Variants in MADD observed in about 807,000 individuals in gnomAD.
The protein encoded by MADD is MAP kinase activating death domain.
Under a neutral mutation model 176.7 loss-of-function variants are expected in MADD, and 109 were observed. The observed-to-expected ratio is 0.62, with a 90% CI of 0.53 to 0.72. The LOEUF (loss-of-function observed/expected upper bound fraction) is 0.72. Ranked by LOEUF, MADD falls within the 30% of genes least tolerant of loss-of-function variation. MADD has a pLI of 0.00. For missense variants in MADD, 1,914 were observed against 2,045.5 expected, an observed-to-expected ratio of 0.94 and a Z score of 1.24; for synonymous variants, 771 against 771.3, an observed-to-expected ratio of 1.00 and a Z score of 0.01.
At chr11:47,287,196 C>T (rs984635632) in intron 15 of MADD, among the ~76,000 whole-genome samples, 1 of 152,328 alleles carries the variant, frequency 6.6e-6, no homozygotes, top group Non-Finnish European at 1.5e-5. Context: ...GTGTCACGCA[C>T]CTGTAATCCC....
chr11:47,317,087 T>G (rs2093296626), intron 27 of MADD, among the ~76,000 whole-genome samples: 1 of 152,236 alleles, frequency 6.6e-6, no homozygotes, highest in South Asian at 2.1e-4. Context: ...TCTTATCCAT[T>G]GCTTTATCCC....
intron 9 of MADD, 40 bp from the exon 10 acceptor site, chr11:47,282,773 C>G (rs531567830): frequency 2.1e-5 from 34 of 1,600,936 alleles, no homozygotes; most frequent in Non-Finnish European, 2.8e-5. Context: ...GCCTTTTTTT[C>G]CTTGCTGCTG....
intron 16 of MADD, among the ~76,000 whole-genome samples, 156 bp from the exon 18 acceptor site, chr11:47,289,711 C>T (rs891331130): frequency 3.3e-5 from 5 of 152,128 alleles, no homozygotes; most frequent in African/African-American, 1.2e-4. Flanking sequence ...TTGGACAAAT[C>T]GCGTGCTCCA....
chr11:47,324,213 G>A, intron 28 of MADD, 52 bp from the exon 32 acceptor site: 1 of 1,545,494 alleles, frequency 6.5e-7, no homozygotes. Context: ...AGCAGTGGGT[G>A]GGGAACCCTG....
chr11:47,326,331 G>A (rs777019865), intron 30 of MADD, among the ~76,000 whole-genome samples: 27 of 152,184 alleles, frequency 1.8e-4, no homozygotes, highest in Non-Finnish European at 3.5e-4. Flanking sequence ...GGAGCTTTGC[G>A]CCCGTGCCAG....
chr11:47,276,619 A>C, intron 4 of MADD, 113 bp from the exon 5 acceptor site: 1 of 1,333,716 alleles, frequency 7.5e-7, no homozygotes, highest in Non-Finnish European at 1.0e-6. Flanking sequence ...GGAGAGACAA[A>C]GCTGGAGCTG....
intron 27 of MADD, among the ~76,000 whole-genome samples, chr11:47,316,974 C>T (rs1173039174): frequency 6.6e-6 from 1 of 152,172 alleles, no homozygotes; most frequent in Admixed American, 6.5e-5. Context: ...AAACTCCTGA[C>T]CTCAAGTGAT....
At chr11:47,289,912 C>T (rs373364748) in exon 17 of MADD, 49 of 1,613,888 alleles carry the variant, frequency 3.0e-5, no homozygotes, top group African/African-American at 6.7e-5. Flanking sequence ...GCGTGCTGGA[C>T]GGCCAGGGAG....
intron 22 of MADD, among the ~76,000 whole-genome samples, chr11:47,298,891 G>C (rs1370394727): frequency 1.3e-5 from 2 of 152,226 alleles, no homozygotes; most frequent in African/African-American, 4.8e-5. Flanking sequence ...TTATTTTTCT[G>C]AATAATGGAT....
At chr11:47,284,956 A>T (rs760376636) in exon 13 of MADD, 1 of 1,613,768 alleles carries the variant, frequency 6.2e-7, no homozygotes, top group Non-Finnish European at 8.5e-7. Flanking sequence ...TGCTGACTCT[A>T]CGGAGATGGA....
intron 18 of MADD, 52 bp from the exon 20 acceptor site, chr11:47,290,558 G>A (rs374778294): frequency 1.2e-4 from 181 of 1,553,658 alleles, no homozygotes; most frequent in Admixed American, 3.7e-4. Flanking sequence ...TCATATCTGC[G>A]CCTTGATTCC....
In MADD at chr11:47,293,817, C is replaced by T. The variant is rs1194382728; in HGVS notation, c.3302-66C>T. The T allele has an allele frequency of 7.7e-6, 8 of 1,040,698 alleles. No individual in the cohort carries two copies. In the African/African-American group the frequency reaches 1.3e-4, roughly 16 times the overall value. The allele number at this position is 1,040,698 out of a possible 1,614,324, so 64.5% of individuals were successfully genotyped here. Reference sequence around the variant, plus strand: ...TCTGGGAACAGCCTGTGCTGCCGTCCCACCCCCTTTACCAGCCTGCCCCTA... The same window carrying T: ...TCTGGGAACAGCCTGTGCTGCCGTCTCACCCCCTTTACCAGCCTGCCCCTA... On this transcript the variant is annotated intron_variant, in intron 19 of 32. Coordinates refer to ENST00000402192, the Ensembl canonical transcript of MADD.
Position 47,303,598 on chromosome 11 carries a change from T to G in MADD, c.3643-4993T>G, listed in dbSNP as rs972506378. On this transcript the variant is annotated intron_variant, in intron 22 of 32. Coordinates refer to ENST00000402192, the Ensembl canonical transcript of MADD. Reference sequence around the variant, plus strand: ...TTGACAATTTGACTGTAATGTACCTTGGAGAGGCCTTTTTTTTTTTTTTTT... The same window carrying G: ...TTGACAATTTGACTGTAATGTACCTGGGAGAGGCCTTTTTTTTTTTTTTTT... 3.2e-4 allele frequency among the ~76,000 whole-genome samples: 46 copies of G among 145,418 alleles called. No homozygotes were observed. The Middle Eastern group carries it at 0.011, about 35-fold the overall frequency.
chr11:47,286,546 C>G lies in MADD; in HGVS notation c.2653+12C>G, dbSNP rs766113461. 1.0e-5 allele frequency: 16 copies of G among 1,598,878 alleles called. No individual in the cohort carries two copies. The highest frequency in any genetic ancestry group is 1.4e-5 in the Non-Finnish European group (16 of 1,166,504). On this transcript the variant is annotated intron_variant, in intron 15 of 32. Coordinates refer to ENST00000402192, the Ensembl canonical transcript of MADD. ...CCCCAGTCTGAAAGGTAACTACAGC[C>G]TTCCTTTTGCCAAGCCAGGTTTCTC...
chr11:47,301,175 C>T (rs1037916721), intron 22 of MADD, among the ~76,000 whole-genome samples: 1 of 151,804 alleles, frequency 6.6e-6, no homozygotes, highest in South Asian at 2.1e-4. Context: ...TGCAGTGGTG[C>T]AATCTTGGCT....
In MADD at chr11:47,290,304, G is replaced by A; in HGVS notation, c.3094+5G>A. ...AGACCCACTACTATAGTAAAGGTAG[G>A]GATCGTACTTGCTGGGCACCACGCC... is the stretch of plus-strand genomic sequence containing the variant. On this transcript the variant is annotated splice_donor_5th_base_variant and intron_variant, in intron 18 of 32. Coordinates refer to ENST00000402192, the Ensembl canonical transcript of MADD. 6.2e-7 allele frequency: 1 copy of A among 1,612,988 alleles called. No homozygotes were observed. Among genetic ancestry groups the A allele is most frequent in the African/African-American group, 1.3e-5 (1 of 74,982 alleles).
At chr11:47,281,666 C>A in exon 8 of MADD, 2 of 1,613,654 alleles carry the variant, frequency 1.2e-6, no homozygotes, top group East Asian at 4.5e-5. Flanking sequence ...TTGGGAAGGC[C>A]TTCTAATGAC....
intron 7 of MADD, among the ~76,000 whole-genome samples, chr11:47,279,973 G>GGT (rs2054840433): frequency 1.3e-5 from 2 of 152,214 alleles, no homozygotes; most frequent in Admixed American, 1.3e-4. Flanking sequence ...AGGAGGCTGA[G>GGT]GTAGAAGAAT....
exon 26 of MADD, chr11:47,311,822 C>T: frequency 6.2e-7 from 1 of 1,613,310 alleles, no homozygotes; most frequent in Non-Finnish European, 8.5e-7. Flanking sequence ...CAATGAGGTG[C>T]TTGATCAGCT....
Sources: allele counts gnomAD v4.1 joint callset (sites outside exome capture counted in the v4.1 genomes callset), GRCh38; gene constraint gnomAD v4.1.1; transcripts MANE v1.5; gene names NCBI Gene and HGNC (gene_info 2026-07-23, HGNC 2026-07-21).